SLC71A2: variants seen among roughly 807,000 people sequenced by gnomAD.
SLC71A2 encodes solute carrier family 71 member 2.
At chr9:94,443,365 T>C in the SLC71A2 span, among the ~76,000 whole-genome samples, 2 of 152,156 alleles carry the variant, frequency 1.3e-5, no homozygotes. Context: ...GAGAATTTAT[T>C]GCCAATTAAT....
At chr9:94,424,095 C>G in the SLC71A2 span, among the ~76,000 whole-genome samples, 1 of 152,052 alleles carries the variant, frequency 6.6e-6, no homozygotes, top group Non-Finnish European at 1.5e-5. Context: ...TTCTTCTTTC[C>G]CCACTGTACT....
At chr9:94,446,953 T>TAGTA in the SLC71A2 span, 2 of 1,210,134 alleles carry the variant, frequency 1.7e-6, no homozygotes, top group Middle Eastern at 1.9e-4. Context: ...AGTGAGTGGC[T>TAGTA]AGTAGCCTTT....
chr9:94,445,621 T>C, the SLC71A2 span, among the ~76,000 whole-genome samples: 1 of 152,086 alleles, frequency 6.6e-6, no homozygotes, highest in Non-Finnish European at 1.5e-5. Flanking sequence ...TTTTCTATAA[T>C]ATGTCTCTCT....
the SLC71A2 span, chr9:94,446,977 A>G: frequency 1.1e-6 from 1 of 950,698 alleles, no homozygotes; most frequent in Non-Finnish European, 1.7e-6. Context: ...TACCAGGAAA[A>G]TCAAAGATGG....
chr9:94,446,856 T>C, the SLC71A2 span: 1 of 1,611,382 alleles, frequency 6.2e-7, no homozygotes, highest in Non-Finnish European at 8.5e-7. Flanking sequence ...TTCTACTGTC[T>C]TACTAATCTG....
At chr9:94,459,939 C>G in the SLC71A2 span, 1 of 153,416 alleles carries the variant, frequency 6.5e-6, no homozygotes, top group Middle Eastern at 3.4e-3. Flanking sequence ...TGTCTTTGTT[C>G]AAAGGTCAAA....
chr9:94,377,938 C>T, the SLC71A2 span, among the ~76,000 whole-genome samples: 1 of 151,948 alleles, frequency 6.6e-6, no homozygotes, highest in African/African-American at 2.4e-5. Flanking sequence ...AATCCTGTCT[C>T]TATAAAAATA....
chr9:94,413,328 C>G, the SLC71A2 span, among the ~76,000 whole-genome samples: 1 of 151,958 alleles, frequency 6.6e-6, no homozygotes, highest in Non-Finnish European at 1.5e-5. Context: ...ATAATTATAC[C>G]ATGGTTATAG....
chr9:94,455,758 AGAG>A, the SLC71A2 span, among the ~76,000 whole-genome samples: 1 of 152,216 alleles, frequency 6.6e-6, no homozygotes, highest in Non-Finnish European at 1.5e-5. Context: ...AAAGGTCTAA[AGAG>A]GAAGGCAGGT....
chr9:94,430,529 C>T, the SLC71A2 span, among the ~76,000 whole-genome samples: 1 of 152,102 alleles, frequency 6.6e-6, no homozygotes, highest in African/African-American at 2.4e-5. Context: ...GGCCTGTATT[C>T]TGTTTTTAGT....
At chr9:94,452,668 CAT>C in the SLC71A2 span, among the ~76,000 whole-genome samples, 107 of 48,050 alleles carry the variant, frequency 2.2e-3, no homozygotes, top group African/African-American at 8.2e-3. Context: ...CATATATATT[CAT>C]ATATATTCAT....
chr9:94,396,880 C>T, the SLC71A2 span, among the ~76,000 whole-genome samples: 1 of 152,170 alleles, frequency 6.6e-6, no homozygotes, highest in South Asian at 2.1e-4. Flanking sequence ...AAGCAGTTCT[C>T]CTGCCTCAGA....
the SLC71A2 span, among the ~76,000 whole-genome samples, chr9:94,437,621 C>T: frequency 1.3e-5 from 2 of 151,644 alleles, no homozygotes; most frequent in African/African-American, 4.9e-5. Context: ...GATCATTAAG[C>T]ATATGTACAC....
the SLC71A2 span, among the ~76,000 whole-genome samples, chr9:94,439,509 A>G: frequency 2.0e-5 from 3 of 149,832 alleles, no homozygotes; most frequent in South Asian, 6.3e-4. Context: ...TTACATATGG[A>G]AGTTTTGTTT....
chr9:94,403,390 G>A, the SLC71A2 span, among the ~76,000 whole-genome samples: 2 of 151,402 alleles, frequency 1.3e-5, no homozygotes, highest in African/African-American at 2.4e-5. Flanking sequence ...CACCCACCTC[G>A]GCCTCCCAAA....
At chr9:94,438,718 G>T in the SLC71A2 span, among the ~76,000 whole-genome samples, 1 of 152,180 alleles carries the variant, frequency 6.6e-6, no homozygotes, top group African/African-American at 2.4e-5. Context: ...GGGTAGTGAA[G>T]ACATTCTAGA....
the SLC71A2 span, among the ~76,000 whole-genome samples, chr9:94,449,684 CAT>C: frequency 6.6e-6 from 1 of 152,182 alleles, no homozygotes; most frequent in Non-Finnish European, 1.5e-5. Context: ...AAATATTCAA[CAT>C]ATAGTTACCA....
At chr9:94,417,445 T>A in the SLC71A2 span, among the ~76,000 whole-genome samples, 3 of 152,036 alleles carry the variant, frequency 2.0e-5, no homozygotes, top group African/African-American at 7.2e-5. Flanking sequence ...CTGACCAACA[T>A]GGTGAAACCC....
At chr9:94,451,354 G>A in the SLC71A2 span, 3 of 559,138 alleles carry the variant, frequency 5.4e-6, no homozygotes, top group African/African-American at 6.0e-5. Flanking sequence ...TTTGCCACTG[G>A]TTTTATGAAT....
Sources: gnomAD v4.1 joint callset for allele counts (sites outside exome capture counted in the v4.1 genomes callset) on GRCh38, gnomAD v4.1.1 for gene constraint, MANE v1.5 for transcripts, NCBI Gene and HGNC (gene_info 2026-07-23, HGNC 2026-07-21) for gene names.